The following PDE10A variants were observed in gnomAD, a reference collection of about 807,000 sequenced individuals.
PDE10A encodes the protein cAMP and cAMP-inhibited cGMP 3',5'-cyclic phosphodiesterase 10A.
In PDE10A, 39 loss-of-function variants were observed where a neutral mutation model predicts 97.7. That is an observed-to-expected ratio of 0.40 (90% confidence interval 0.31 to 0.52). PDE10A has a LOEUF of 0.52. Among genes scored for constraint, PDE10A ranks in the 20% least tolerant of loss-of-function variants. The pLI, the probability that PDE10A is intolerant of heterozygous loss-of-function variation, is 0.56. For missense variants in PDE10A, 731 were observed against 1,047.8 expected, an observed-to-expected ratio of 0.70 and a Z score of 4.17; for synonymous variants, 371 against 376.8, an observed-to-expected ratio of 0.98 and a Z score of 0.18.
intron 2 of PDE10A, among the ~76,000 whole-genome samples, chr6:165,502,773 C>T (rs572120678): frequency 6.6e-6 from 1 of 152,260 alleles, no homozygotes; most frequent in Non-Finnish European, 1.5e-5. Context: ...ACATGAGTGT[C>T]TTTACATGAA....
chr6:165,428,797 C>A, intron 9 of PDE10A, 88 bp from the exon 10 acceptor site: 4 of 545,846 alleles, frequency 7.3e-6, no homozygotes, highest in Non-Finnish European at 9.7e-6. Context: ...GTTTTGTCTA[C>A]ATTTAAATAA....
At chr6:165,611,546 T>C (rs1787495492) in intron 1 of PDE10A, among the ~76,000 whole-genome samples, 1 of 152,220 alleles carries the variant, frequency 6.6e-6, no homozygotes, top group South Asian at 2.1e-4. Context: ...CGGGGAAAGC[T>C]GAATGGAGTG....
chr6:165,667,529 A>G (rs1025659843), upstream of PDE10A, among the ~76,000 whole-genome samples: 1 of 152,086 alleles, frequency 6.6e-6, no homozygotes, highest in Non-Finnish European at 1.5e-5. Flanking sequence ...TAAATTGTAA[A>G]TAAAATTAGT....
chr6:165,568,278 C>T (rs1409058494), intron 1 of PDE10A, among the ~76,000 whole-genome samples: 4 of 152,126 alleles, frequency 2.6e-5, no homozygotes, highest in Admixed American at 6.5e-5. Flanking sequence ...GGATTACAGG[C>T]GTGAGCCACC....
intron 1 of PDE10A, among the ~76,000 whole-genome samples, chr6:165,696,787 T>A (rs1562690620): frequency 6.6e-6 from 1 of 152,042 alleles, no homozygotes; most frequent in Non-Finnish European, 1.5e-5. Context: ...GAAACCATGA[T>A]TAAAGAAGTA....
intron 1 of PDE10A, among the ~76,000 whole-genome samples, chr6:165,721,191 G>A (rs1050319054): frequency 6.6e-6 from 1 of 152,130 alleles, no homozygotes; most frequent in Non-Finnish European, 1.5e-5. Context: ...ACCAGGCCAC[G>A]GGGTGTGGCA....
At chr6:165,944,213 A>G (rs556515081) in intron 1 of PDE10A, among the ~76,000 whole-genome samples, 53 of 152,348 alleles carry the variant, frequency 3.5e-4, no homozygotes, top group African/African-American at 1.2e-3. Context: ...AACCACCCCC[A>G]TAATTCAATT....
At chr6:165,481,976 G>T (rs534466908) in intron 3 of PDE10A, among the ~76,000 whole-genome samples, 4 of 152,174 alleles carry the variant, frequency 2.6e-5, no homozygotes, top group Non-Finnish European at 5.9e-5. Context: ...GAAGACTGCT[G>T]CCCTGTGAGA....
At chr6:165,846,164 A>T (rs1432525790) in intron 1 of PDE10A, among the ~76,000 whole-genome samples, 1 of 152,216 alleles carries the variant, frequency 6.6e-6, no homozygotes, top group Non-Finnish European at 1.5e-5. Context: ...TAATGCCCCC[A>T]TGCAGATCAG....
At chr6:165,371,485 G>T (rs1784244797) in intron 18 of PDE10A, among the ~76,000 whole-genome samples, 1 of 151,504 alleles carries the variant, frequency 6.6e-6, no homozygotes, top group South Asian at 2.1e-4. Context: ...TAGAAGAAAT[G>T]GATAAATTCC....
rs183665327 is a variant in PDE10A at position 165,887,972 on chromosome 6, T to C, written c.-615+99557A>G. Among the ~76,000 whole-genome samples, 361 of 152,312 alleles carry C rather than the reference T, an allele frequency of 2.4e-3. 1 individual carries two copies. Among genetic ancestry groups the C allele is most frequent in the African/African-American group, 8.0e-3 (331 of 41,566 alleles). On this transcript the variant is annotated intron_variant, in intron 1 of 19. Transcript: ENST00000366882. ...CTTTGCATCTCTTACCTCACCCTGT[T>C]CCATTCCCTCTCCTCATTAATTTCC...
In PDE10A at chr6:165,328,772, T is replaced by C. The variant is rs1419384216; in HGVS notation, c.*4253A>G. 1.3e-5 allele frequency: 2 copies of C among 152,256 alleles called. No individual in the cohort carries two copies. Among genetic ancestry groups the C allele is most frequent in the African/African-American group, 2.4e-5 (1 of 41,468 alleles). 9.4% of individuals were successfully genotyped at this position (152,256 alleles called of 1,614,324 possible). A position where few individuals can be genotyped will look rare whatever the true frequency, so the allele number is the denominator to read the frequency against. Reference sequence around the variant, plus strand: ...GACACTTTTTAATTTTTTCTTGCTATTTTTATCATATAAAATGCTTCCAAC... The same window carrying C: ...GACACTTTTTAATTTTTTCTTGCTACTTTTATCATATAAAATGCTTCCAAC... On this transcript the variant is annotated 3_prime_UTR_variant, in exon 22 of 22. Coordinates refer to ENST00000539869, the MANE Select transcript of PDE10A (RefSeq NM_001385079.1).
chr6:165,704,696 T>G (rs1791664616), intron 1 of PDE10A, among the ~76,000 whole-genome samples: 1 of 152,218 alleles, frequency 6.6e-6, no homozygotes, highest in East Asian at 1.9e-4. Flanking sequence ...CAGGTTTCAC[T>G]TCACAGGAAC....
At chr6:165,984,821 G>C (rs1044380998) in intron 1 of PDE10A, among the ~76,000 whole-genome samples, 3 of 152,180 alleles carry the variant, frequency 2.0e-5, no homozygotes, top group African/African-American at 7.2e-5. Flanking sequence ...GTAAGCGGTG[G>C]GATTCTTCTC....
chr6:165,688,710 G>A (rs1234272972), intron 1 of PDE10A, among the ~76,000 whole-genome samples: 1 of 152,230 alleles, frequency 6.6e-6, no homozygotes, highest in African/African-American at 2.4e-5. Flanking sequence ...TACCTTTCAG[G>A]TGAGCAAAGA....
At chr6:165,734,251 G>A (rs915997545) in intron 1 of PDE10A, among the ~76,000 whole-genome samples, 4 of 152,036 alleles carry the variant, frequency 2.6e-5, no homozygotes, top group Non-Finnish European at 5.9e-5. Context: ...ACCCACACTG[G>A]GTGGGCTTCG....
At chr6:165,501,457 A>T (rs1205751852) in intron 2 of PDE10A, among the ~76,000 whole-genome samples, 1 of 151,750 alleles carries the variant, frequency 6.6e-6, no homozygotes, top group Non-Finnish European at 1.5e-5. Context: ...GCTACTCAGG[A>T]GGCTACTCGG....
At chr6:165,428,848 G>GA in intron 9 of PDE10A, 139 bp from the exon 10 acceptor site, 1 of 488,624 alleles carries the variant, frequency 2.0e-6, no homozygotes, top group South Asian at 3.3e-5. Context: ...TTCTGCTTTG[G>GA]CAAAAAAAAA....
intron 1 of PDE10A, among the ~76,000 whole-genome samples, chr6:165,766,549 T>A (rs1777855341): frequency 6.6e-6 from 1 of 152,238 alleles, no homozygotes; most frequent in Non-Finnish European, 1.5e-5. Flanking sequence ...CAATCTTCCG[T>A]GGGATTGTTT....
Sources: allele counts gnomAD v4.1 joint callset (sites outside exome capture counted in the v4.1 genomes callset), GRCh38; gene constraint gnomAD v4.1.1; transcripts MANE v1.5; gene names NCBI Gene and HGNC (gene_info 2026-07-23, HGNC 2026-07-21).